The following GPLD1 variants were observed in gnomAD, a reference collection of about 807,000 sequenced individuals.
GPLD1 encodes the protein phosphatidylinositol-glycan-specific phospholipase D.
In GPLD1, 84 loss-of-function variants were observed where a neutral mutation model predicts 112.6. That is an observed-to-expected ratio of 0.75 (90% confidence interval 0.63 to 0.89). GPLD1 has a LOEUF of 0.89. GPLD1 is among the 40% of genes least tolerant of loss of function. GPLD1 has a pLI of 0.00. For synonymous variants in GPLD1, 386 were observed against 403.8 expected, an observed-to-expected ratio of 0.96 and a Z score of 0.53; for missense variants, 1,044 against 1,051.5, an observed-to-expected ratio of 0.99 and a Z score of 0.10.
chr6:24,471,784 A>G (rs1676696593), intron 7 of GPLD1, among the ~76,000 whole-genome samples: 1 of 152,144 alleles, frequency 6.6e-6, no homozygotes, highest in African/African-American at 2.4e-5. Context: ...CAGAGGCGCG[A>G]TCATAGCTCA....
In GPLD1 at chr6:24,446,796, G is replaced by T. The variant is rs767268974; in HGVS notation, c.1820+42C>A. 15 of 1,599,154 alleles carry T rather than the reference G, an allele frequency of 9.4e-6. 1 individual carries two copies. In the South Asian group the frequency reaches 1.6e-4, roughly 17 times the overall value. On this transcript the variant is annotated intron_variant, in intron 18 of 24. Transcript: ENST00000230036. ...GTGCGCTCCATAGCAGCAGGTACCT[G>T]CCCCTGTGTTCATGGTTCCCAGCCC...
intron 2 of GPLD1, among the ~76,000 whole-genome samples, chr6:24,482,955 CAT>C (rs1266934049): frequency 6.6e-6 from 1 of 152,000 alleles, no homozygotes; most frequent in Non-Finnish European, 1.5e-5. Context: ...AAAAAAAATA[CAT>C]ATTTTTAAGC....
intron 7 of GPLD1, among the ~76,000 whole-genome samples, chr6:24,468,070 C>T (rs1270124674): frequency 6.6e-6 from 1 of 152,134 alleles, no homozygotes; most frequent in African/African-American, 2.4e-5. Flanking sequence ...CCACGCCCGG[C>T]TAATTTTATA....
intron 24 of GPLD1, 144 bp from the exon 25 acceptor site, chr6:24,429,262 C>A (rs1762331020): frequency 3.8e-6 from 2 of 524,954 alleles, no homozygotes; most frequent in Admixed American, 6.8e-5. Context: ...TCAAATGCCA[C>A]TTTCCCTTTG....
At chr6:24,485,932 G>A (rs1581791372) in intron 2 of GPLD1, 143 bp downstream of exon 2, 2 of 560,264 alleles carry the variant, frequency 3.6e-6, no homozygotes, top group Admixed American at 2.8e-5. Flanking sequence ...GCCTCCCAAA[G>A]TGCTGGGATT....
rs760858079 is a variant in GPLD1 at position 24,447,958 on chromosome 6, C to T, written c.1597G>A (p.Gly533Ser). 3.1e-6 allele frequency: 5 copies of T among 1,613,750 alleles called. No individual in the cohort carries two copies. Among genetic ancestry groups the T allele is most frequent in the South Asian group, 2.2e-5 (2 of 91,038 alleles). The change falls in exon 17 of 25, where the codon GGC (glycine) becomes AGC (serine). Residue 533 changes from glycine (G) to serine (S), a missense_variant. Transcript: ENST00000230036. ...NGDSEPDLVI[G>S]SPFAPGGGKQ... ...CCTCCACCTGGTGCAAAAGGGGAGC[C>T]GATGACCAGATCGGGTTCACTGTCT...
In GPLD1 at chr6:24,473,766, A is replaced by C. The variant is rs963472568; in HGVS notation, c.442-99T>G. Reference sequence around the variant, plus strand: ...GTGGTGGGAGATGACAGCTAACTCAATGAACTGCTGAGGACGCATAATAGA... The same window carrying C: ...GTGGTGGGAGATGACAGCTAACTCACTGAACTGCTGAGGACGCATAATAGA... On this transcript the variant is annotated intron_variant, in intron 5 of 24. Transcript: ENST00000230036. 73 of 710,106 alleles carry C rather than the reference A, an allele frequency of 1.0e-4. No homozygotes were observed. The African/African-American group carries it at 1.2e-3, about 12-fold the overall frequency. The allele number at this position is 710,106 out of a possible 1,614,324, so 44.0% of individuals were successfully genotyped here.
intron 14 of GPLD1, 79 bp from the exon 15 acceptor site, chr6:24,449,978 A>C: frequency 1.0e-6 from 1 of 1,003,350 alleles, no homozygotes; most frequent in Non-Finnish European, 1.5e-6. Flanking sequence ...GGGAGTAGAG[A>C]GGCCTGGGAC....
At chr6:24,438,365 T>A (rs1350442093) in intron 20 of GPLD1, among the ~76,000 whole-genome samples, 1 of 152,244 alleles carries the variant, frequency 6.6e-6, no homozygotes, top group Non-Finnish European at 1.5e-5. Context: ...GAAATATAAA[T>A]GGCACCTGTG....
intron 2 of GPLD1, among the ~76,000 whole-genome samples, chr6:24,482,393 GC>G (rs1205974681): frequency 6.6e-6 from 1 of 152,056 alleles, no homozygotes; most frequent in East Asian, 1.9e-4. Flanking sequence ...TGATTCTCCT[GC>G]CTCAGCCTCC....
intron 23 of GPLD1, 49 bp downstream of exon 23, chr6:24,433,314 G>T: frequency 6.4e-7 from 1 of 1,574,752 alleles, no homozygotes; most frequent in Non-Finnish European, 8.7e-7. Flanking sequence ...AAACCAAGGG[G>T]CATTGTTTTG....
chr6:24,494,069 G>A (rs929369121), upstream of GPLD1, among the ~76,000 whole-genome samples: 1 of 152,204 alleles, frequency 6.6e-6, no homozygotes, highest in Admixed American at 6.5e-5. Context: ...ACCTTGGTTG[G>A]ATAGTATGCT....
Position 24,445,822 on chromosome 6 carries a change from A to G in GPLD1, c.1830T>C (p.His610=). 1 of 1,611,820 alleles carries G rather than the reference A, an allele frequency of 6.2e-7. No homozygotes were observed. The highest frequency in any genetic ancestry group is 8.5e-7 in the Non-Finnish European group (1 of 1,178,100). ...PTWKNASRLG[H]LLHIRDEKKS... is the part of the protein sequence containing the mutation. The stretch of plus-strand genomic sequence containing the variant: ...TTTTCTCATCTCGGATGTGTAACAA[A>G]TGGCCCAGCCTAGAATGAAGCACAC... Residue 610 remains histidine (H), a synonymous_variant, in exon 19 of 25, where the codon CAT becomes CAC. Coordinates refer to ENST00000230036, the MANE Select transcript of GPLD1 (RefSeq NM_001503.4).
chr6:24,474,902 C>T (rs1053338347), intron 5 of GPLD1, among the ~76,000 whole-genome samples: 10 of 150,338 alleles, frequency 6.7e-5, no homozygotes, highest in Non-Finnish European at 1.2e-4. Context: ...ATCGCGCCTT[C>T]GCACCACTGC....
chr6:24,437,059 AC>A, intron 21 of GPLD1, 53 bp downstream of exon 21: 2 of 1,514,488 alleles, frequency 1.3e-6, no homozygotes, highest in Non-Finnish European at 9.1e-7. Context: ...TAGGGGACCC[AC>A]CCCCTGGGCA....
At chr6:24,447,062 CTAA>C (rs1762934057) in intron 17 of GPLD1, 83 bp from the exon 18 acceptor site, 1 of 1,297,044 alleles carries the variant, frequency 7.7e-7, no homozygotes, top group Non-Finnish European at 1.1e-6. Context: ...TTCTCGTAGC[CTAA>C]TAGAAGTGGG....
intron 24 of GPLD1, among the ~76,000 whole-genome samples, chr6:24,429,626 C>T (rs1762340018): frequency 6.6e-6 from 1 of 152,198 alleles, no homozygotes; most frequent in African/African-American, 2.4e-5. Context: ...CAGCTCACTG[C>T]AACTTCTGCT....
chr6:24,469,695 G>A (rs1339038573), intron 7 of GPLD1, among the ~76,000 whole-genome samples: 7 of 143,012 alleles, frequency 4.9e-5, no homozygotes, highest in African/African-American at 1.8e-4. Context: ...GAGTTAGTGG[G>A]TGCAGCGCAC....
At chr6:24,446,335 A>G (rs2127329872) in intron 18 of GPLD1, among the ~76,000 whole-genome samples, 1 of 100,212 alleles carries the variant, frequency 1.0e-5, no homozygotes, top group South Asian at 3.3e-4. Flanking sequence ...ATCCCTATAA[A>G]AATGTTTTTA....
Sources: allele counts gnomAD v4.1 joint callset (sites outside exome capture counted in the v4.1 genomes callset), GRCh38; gene constraint gnomAD v4.1.1; transcripts MANE v1.5; gene names NCBI Gene and HGNC (gene_info 2026-07-23, HGNC 2026-07-21).